SIL1: variants seen among roughly 807,000 people sequenced by gnomAD.
SIL1 encodes the protein SIL1 nucleotide exchange factor, also known as nucleotide exchange factor SIL1.
In SIL1, 40 loss-of-function variants were observed where a neutral mutation model predicts 49.1. The observed-to-expected ratio is 0.81, with a 90% CI of 0.63 to 1.06. The LOEUF is 1.06. Among genes scored for constraint, SIL1 ranks in the 50% least tolerant of loss-of-function variants. The pLI is 0.00. For missense variants in SIL1, 500 were observed against 572.6 expected (o/e 0.87, Z 1.29); for synonymous variants, 253 against 250.8 (o/e 1.01, Z -0.08).
At chr5:139,070,878 T>C (rs938352639) in intron 3 of SIL1, among the ~76,000 whole-genome samples, 3 of 152,134 alleles carry the variant, frequency 2.0e-5, no homozygotes, top group Non-Finnish European at 4.4e-5. Context: ...CAAAATAATA[T>C]ATATGGGGAA....
At chr5:139,009,950 C>G (rs1768215462) in intron 7 of SIL1, among the ~76,000 whole-genome samples, 1 of 151,920 alleles carries the variant, frequency 6.6e-6, no homozygotes, top group African/African-American at 2.4e-5. Context: ...CTTGGAGTTG[C>G]TCTTCTTGAG....
intron 7 of SIL1, 63 bp from the exon 8 acceptor site, chr5:138,951,947 A>C: frequency 7.1e-7 from 1 of 1,415,832 alleles, no homozygotes; most frequent in Non-Finnish European, 9.9e-7. Flanking sequence ...ATGGTCAGGG[A>C]ACTGAGCCCA....
chr5:138,952,756 T>G (rs1288887539), intron 7 of SIL1, among the ~76,000 whole-genome samples: 1 of 152,214 alleles, frequency 6.6e-6, no homozygotes, highest in African/African-American at 2.4e-5. Context: ...ATTAAAACAT[T>G]TCAGGCCCAG....
At chr5:139,171,563 C>G (rs12153010) in intron 1 of SIL1, among the ~76,000 whole-genome samples, 1 of 151,650 alleles carries the variant, frequency 6.6e-6, no homozygotes, top group Non-Finnish European at 1.5e-5. Flanking sequence ...ACAAACACTG[C>G]GGAAGGCCAC....
chr5:139,056,663 C>A (rs1213005227), intron 3 of SIL1, among the ~76,000 whole-genome samples: 1 of 142,582 alleles, frequency 7.0e-6, no homozygotes, highest in Non-Finnish European at 1.5e-5. Context: ...CAGCCCCCCG[C>A]CTGGCCAGCC....
At chr5:139,197,228 A>G (rs945037452) in intron 1 of SIL1, among the ~76,000 whole-genome samples, 52 of 140,514 alleles carry the variant, frequency 3.7e-4, no homozygotes, top group African/African-American at 1.3e-3. Flanking sequence ...AGATGGCACC[A>G]TTGCACTCCA....
intron 1 of SIL1, among the ~76,000 whole-genome samples, chr5:139,179,836 C>A (rs1180351182): frequency 6.6e-6 from 1 of 152,008 alleles, no homozygotes; most frequent in East Asian, 1.9e-4. Flanking sequence ...GAGGGAGGAT[C>A]ACTTGAAACC....
At chr5:139,040,314 G>A (rs1226075822) in intron 5 of SIL1, among the ~76,000 whole-genome samples, 1 of 151,978 alleles carries the variant, frequency 6.6e-6, no homozygotes, top group Non-Finnish European at 1.5e-5. Flanking sequence ...AGGATGCCAG[G>A]ACTTAGCACC....
chr5:139,166,179 GACA>G (rs931025378), intron 1 of SIL1, among the ~76,000 whole-genome samples: 4 of 152,100 alleles, frequency 2.6e-5, no homozygotes, highest in African/African-American at 9.7e-5. Flanking sequence ...TCCCTAACTA[GACA>G]ACAACTGCAC....
chr5:139,124,683 G>A (rs778490628), intron 2 of SIL1, among the ~76,000 whole-genome samples: 2 of 152,312 alleles, frequency 1.3e-5, no homozygotes, highest in Admixed American at 1.3e-4. Flanking sequence ...TCCAGAAAAG[G>A]TTTTGAGAAA....
intron 3 of SIL1, among the ~76,000 whole-genome samples, chr5:139,117,785 G>T (rs2151791605): frequency 6.6e-6 from 1 of 152,252 alleles, no homozygotes; most frequent in South Asian, 2.1e-4. Context: ...AATAACAGGG[G>T]CAGATAGACT....
intron 7 of SIL1, among the ~76,000 whole-genome samples, chr5:139,018,194 T>C (rs144208175): frequency 6.6e-6 from 1 of 152,336 alleles, no homozygotes; most frequent in East Asian, 1.9e-4. Context: ...AATTGCTTCA[T>C]GTTTAACACC....
intron 7 of SIL1, 31 bp from the exon 8 acceptor site, chr5:138,951,915 C>T (rs191221829): frequency 2.6e-5 from 41 of 1,574,298 alleles, no homozygotes; most frequent in Middle Eastern, 1.7e-4. Flanking sequence ...AGCATGACTA[C>T]CCTGCCCAGC....
intron 3 of SIL1, among the ~76,000 whole-genome samples, chr5:139,061,676 T>C (rs1769592135): frequency 6.6e-6 from 1 of 152,010 alleles, no homozygotes; most frequent in Non-Finnish European, 1.5e-5. Context: ...TCAGAAGAAA[T>C]AAAAAGTACA....
rs929731396 is a variant in SIL1, at chr5:139,134,211, A to C, written c.-10-6358T>G. Among the ~76,000 whole-genome samples the C allele has an allele frequency of 5.9e-5, 9 of 152,268 alleles. No homozygotes were observed. The East Asian group carries it at 1.7e-3, about 29-fold the overall frequency. ...CAGCTCACTGCAACCTCTGCTTCCC[A>C]AGCTCAAGCAATCCTCCCATCTCAG... On this transcript the variant is annotated intron_variant, in intron 1 of 9. Coordinates refer to ENST00000394817, the MANE Select transcript of SIL1 (RefSeq NM_022464.5).
intron 1 of SIL1, among the ~76,000 whole-genome samples, chr5:139,149,118 G>C (rs1751249750): frequency 6.6e-6 from 1 of 151,478 alleles, no homozygotes; most frequent in Non-Finnish European, 1.5e-5. Flanking sequence ...AATGTGAAGA[G>C]CACCCAGGAA....
intron 5 of SIL1, among the ~76,000 whole-genome samples, chr5:139,037,202 C>A (rs1418035021): frequency 1.3e-5 from 2 of 151,868 alleles, no homozygotes; most frequent in East Asian, 3.8e-4. Flanking sequence ...AATTCAATAT[C>A]GCTCAATCAT....
At chr5:138,982,467 T>C (rs1410653864) in intron 7 of SIL1, among the ~76,000 whole-genome samples, 1 of 152,224 alleles carries the variant, frequency 6.6e-6, no homozygotes, top group Non-Finnish European at 1.5e-5. Flanking sequence ...CGATGCCCTA[T>C]CGATTTTTAA....
At chr5:139,159,104 G>GAA (rs1751458742) in intron 1 of SIL1, among the ~76,000 whole-genome samples, 1 of 144,162 alleles carries the variant, frequency 6.9e-6, no homozygotes. Flanking sequence ...AGAGAGAGAG[G>GAA]GAAAAAAAAA....
Sources: gnomAD v4.1 joint callset for allele counts (sites outside exome capture counted in the v4.1 genomes callset) on GRCh38, gnomAD v4.1.1 for gene constraint, MANE v1.5 for transcripts, NCBI Gene and HGNC (gene_info 2026-07-23, HGNC 2026-07-21) for gene names.